The following UGT2A2 variants were observed in gnomAD, a reference collection of about 807,000 sequenced individuals.
The protein encoded by UGT2A2 is UDP glucuronosyltransferase family 2 member A2.
In UGT2A2, 60 loss-of-function variants were observed where a neutral mutation model predicts 50.7. The ratio of observed to expected loss-of-function variants is 1.18; its 90% CI spans 0.96 to 1.47. The LOEUF is 1.47. UGT2A2 is among the 40% of genes most tolerant of loss of function. The pLI, the probability that UGT2A2 is intolerant of heterozygous loss-of-function variation, is 0.00. For synonymous variants in UGT2A2, 242 were observed against 214.6 expected (o/e 1.13, Z -1.11); for missense variants, 762 against 634.0 (o/e 1.20, Z -2.17).
chr4:69,634,547 G>A (rs1721571167), intron 1 of UGT2A2, among the ~76,000 whole-genome samples: 1 of 151,236 alleles, frequency 6.6e-6, no homozygotes, highest in African/African-American at 2.4e-5. Context: ...AGAGGGGGAA[G>A]GTTAAGAGGC....
At chr4:69,589,759 T>G (rs1290198077) in intron 5 of UGT2A2, 108 bp from the exon 6 acceptor site, 1 of 1,447,994 alleles carries the variant, frequency 6.9e-7, no homozygotes, top group African/African-American at 1.4e-5. Flanking sequence ...CATAGTTACG[T>G]GGAGAAAATA....
chr4:69,635,069 T>A (rs567199879), intron 1 of UGT2A2, among the ~76,000 whole-genome samples: 1 of 152,206 alleles, frequency 6.6e-6, no homozygotes, highest in African/African-American at 2.4e-5. Context: ...CAAAACATCC[T>A]ATCTACCCCC....
At chr4:69,606,123 AAG>A (rs1450675305) in intron 1 of UGT2A2, among the ~76,000 whole-genome samples, 2 of 135,914 alleles carry the variant, frequency 1.5e-5, no homozygotes, top group East Asian at 4.1e-4. Flanking sequence ...ACAACAAAAA[AAG>A]AGAATTTTAG....
intron 1 of UGT2A2, among the ~76,000 whole-genome samples, chr4:69,615,937 T>C (rs1720355264): frequency 6.6e-6 from 1 of 152,034 alleles, no homozygotes; most frequent in South Asian, 2.1e-4. Context: ...AATCAGTATA[T>C]CAAAGAAATA....
At position 69,594,582 on chromosome 4, in the gene UGT2A2, T is replaced by A; in HGVS notation, c.1226A>T (p.Asn409Ile). The change falls in exon 5 of 6, where the codon AAC becomes ATC. Residue 409 changes from asparagine to isoleucine, a missense_variant. Physicochemically the swap from Asn to Ile is moderately radical, Grantham distance 149. Transcript: ENST00000604629. ...GVPMFADQPD[N>I]IAHMKAKGAA... Reference sequence around the variant, plus strand: ...TCCTTTGGCCTTCATGTGAGCAATGTTATCAGGCTGATCAGCAAACATGGG... The same window carrying A: ...TCCTTTGGCCTTCATGTGAGCAATGATATCAGGCTGATCAGCAAACATGGG... 6.2e-7 allele frequency: 1 copy of A among 1,614,146 alleles called. No homozygotes were observed. The highest frequency in any genetic ancestry group is 8.5e-7 in the Non-Finnish European group (1 of 1,180,036).
At chr4:69,623,858 AG>A (rs1408080872) in intron 1 of UGT2A2, among the ~76,000 whole-genome samples, 1 of 151,680 alleles carries the variant, frequency 6.6e-6, no homozygotes, top group African/African-American at 2.4e-5. Flanking sequence ...TAAAGACTTG[AG>A]CAAAAGCATT....
intron 1 of UGT2A2, among the ~76,000 whole-genome samples, chr4:69,625,429 G>A (rs1291744970): frequency 6.6e-6 from 1 of 150,748 alleles, no homozygotes; most frequent in African/African-American, 2.4e-5. Flanking sequence ...AGGATGTTTT[G>A]TTTATTTTGT....
rs184187801 is a variant in UGT2A2 at position 69,589,454 on chromosome 4, G to C, written c.1529C>G (p.Thr510Arg). 1 of 1,613,750 alleles carries C rather than the reference G, an allele frequency of 6.2e-7. No individual in the cohort carries two copies. The highest frequency in any genetic ancestry group is 1.3e-5 in the African/African-American group (1 of 74,792). The change falls in exon 6 of 6, where the codon ACG becomes AGG. Residue 510 changes from threonine to arginine, a missense_variant. Coordinates refer to ENST00000604629, the MANE Select transcript of UGT2A2 (RefSeq NM_001105677.2). ...ACATTGTATGACCAAAAATATAGCCGTTGTCACACAGACCAGCAAGAACCC... is the reference window on the plus strand; with the variant it reads ...ACATTGTATGACCAAAAATATAGCCCTTGTCACACAGACCAGCAAGAACCC... ...VIGFLLVCVTTAIFLVIQCCL... is the reference protein window; with the variant it reads ...VIGFLLVCVTRAIFLVIQCCL...
intron 2 of UGT2A2, among the ~76,000 whole-genome samples, chr4:69,598,522 A>G (rs1032740954): frequency 6.6e-6 from 1 of 152,146 alleles, no homozygotes; most frequent in African/African-American, 2.4e-5. Flanking sequence ...AAGAACCAAT[A>G]CAACATTTGT....
At chr4:69,591,352 T>A (rs1718587962) in intron 5 of UGT2A2, among the ~76,000 whole-genome samples, 1 of 152,072 alleles carries the variant, frequency 6.6e-6, no homozygotes, top group African/African-American at 2.4e-5. Flanking sequence ...CAACTTGAAG[T>A]GGGGGTGCAT....
intron 5 of UGT2A2, among the ~76,000 whole-genome samples, chr4:69,591,446 C>G (rs867502521): frequency 3.9e-5 from 6 of 152,030 alleles, no homozygotes; most frequent in Admixed American, 2.0e-4. Context: ...GGAAGGAATG[C>G]CTGGGTTAAG....
chr4:69,617,855 T>C (rs922534672), intron 1 of UGT2A2, among the ~76,000 whole-genome samples: 4 of 151,882 alleles, frequency 2.6e-5, no homozygotes, highest in Non-Finnish European at 5.9e-5. Flanking sequence ...AATTGTCTTA[T>C]GTAAAAATCT....
intron 1 of UGT2A2, among the ~76,000 whole-genome samples, chr4:69,609,755 G>T (rs1445898082): frequency 6.6e-6 from 1 of 152,060 alleles, no homozygotes; most frequent in Non-Finnish European, 1.5e-5. Context: ...AAATACAATT[G>T]TTCTTCTGGA....
intron 1 of UGT2A2, among the ~76,000 whole-genome samples, chr4:69,635,982 C>T (rs1476763471): frequency 1.3e-5 from 2 of 151,932 alleles, no homozygotes; most frequent in South Asian, 2.1e-4. Context: ...CCTGATATCC[C>T]TGTTCCCTTA....
intron 1 of UGT2A2, among the ~76,000 whole-genome samples, chr4:69,621,979 G>A (rs1720781843): frequency 6.6e-6 from 1 of 151,642 alleles, no homozygotes; most frequent in Non-Finnish European, 1.5e-5. Context: ...ACACAAACAG[G>A]GGAACAAGAG....
intron 1 of UGT2A2, among the ~76,000 whole-genome samples, chr4:69,636,814 A>T (rs555202881): frequency 1.9e-4 from 29 of 152,268 alleles, no homozygotes; most frequent in Non-Finnish European, 3.5e-4. Context: ...ATATCATATG[A>T]TCCTCCTAAC....
intron 1 of UGT2A2, among the ~76,000 whole-genome samples, chr4:69,603,024 G>A (rs972178568): frequency 7.4e-6 from 1 of 134,422 alleles, no homozygotes; most frequent in South Asian, 2.4e-4. Context: ...CCAAGATCAC[G>A]CCACTGCAAT....
At chr4:69,599,637 G>C in intron 1 of UGT2A2, 1 of 416,452 alleles carries the variant, frequency 2.4e-6, no homozygotes, top group Non-Finnish European at 4.1e-6. Context: ...AGCAGGGAGG[G>C]AGAGAGAGGA....
intron 1 of UGT2A2, among the ~76,000 whole-genome samples, chr4:69,615,066 T>G (rs929835274): frequency 1.3e-5 from 2 of 151,960 alleles, no homozygotes; most frequent in Non-Finnish European, 2.9e-5. Flanking sequence ...AAACCAGACC[T>G]CATGATCCAA....
Sources: gnomAD v4.1 joint callset for allele counts (sites outside exome capture counted in the v4.1 genomes callset) on GRCh38, gnomAD v4.1.1 for gene constraint, MANE v1.5 for transcripts, NCBI Gene and HGNC (gene_info 2026-07-23, HGNC 2026-07-21) for gene names.